BNIP3L: variants seen among roughly 807,000 people sequenced by gnomAD.
BNIP3L encodes the protein BCL2 interacting protein 3 like.
In BNIP3L, 10 loss-of-function variants were observed where a neutral mutation model predicts 25.5. The ratio of observed to expected loss-of-function variants is 0.39; its 90% confidence interval spans 0.24 to 0.67. BNIP3L has a LOEUF of 0.67. Among genes scored for constraint, BNIP3L ranks in the 30% least tolerant of loss-of-function variants. The pLI is 0.45. For synonymous variants in BNIP3L, 113 were observed against 101.2 expected (o/e 1.12, Z -0.70); for missense variants, 215 against 270.9 (o/e 0.79, Z 1.45).
In BNIP3L at chr8:26,412,090, A is replaced by G. The variant is rs1020089587; in HGVS notation, c.*1678A>G. ...AAAGATGATATATCCTAGTTTTGAAAGTAATTTTCTTTTTTCTTTCTAGCA... is the reference window on the plus strand; with the variant it reads ...AAAGATGATATATCCTAGTTTTGAAGGTAATTTTCTTTTTTCTTTCTAGCA... On this transcript the variant is annotated 3_prime_UTR_variant, in exon 6 of 6. Coordinates refer to ENST00000380629, the MANE Select transcript of BNIP3L (RefSeq NM_004331.3). The G allele has an allele frequency of 2.0e-5, 3 of 152,376 alleles. No homozygotes were observed. The highest frequency in any genetic ancestry group is 4.1e-4 in the South Asian group (2 of 4,836). 9.4% of individuals were successfully genotyped at this position (152,376 alleles called of 1,614,324 possible).
At position 26,412,589 on chromosome 8, in the gene BNIP3L, CAGT is replaced by C. The variant is rs1415752608; in HGVS notation, c.*2180_*2182del. Reference sequence around the variant, plus strand: ...TACTTAAAACGTGAATACATCATCACAGTAGAATTTATTATGAGAGCATGTAGT... The same window carrying C: ...TACTTAAAACGTGAATACATCATCACAGAATTTATTATGAGAGCATGTAGT... On this transcript the variant is annotated 3_prime_UTR_variant, in exon 6 of 6. Transcript: ENST00000380629. 3 of 152,422 alleles carry C rather than the reference CAGT, an allele frequency of 2.0e-5. No individual in the cohort carries two copies. The highest frequency in any genetic ancestry group is 2.1e-4 in the South Asian group (1 of 4,822). The allele number at this position is 152,422 out of a possible 1,614,324, so 9.4% of individuals were successfully genotyped here.
intron 3 of BNIP3L, among the ~76,000 whole-genome samples, chr8:26,404,559 C>T (rs1013578262): frequency 3.9e-5 from 6 of 152,294 alleles, no homozygotes; most frequent in African/African-American, 1.4e-4. Flanking sequence ...CTCACTCTGT[C>T]ACCAGGCTGG....
intron 3 of BNIP3L, among the ~76,000 whole-genome samples, chr8:26,407,461 C>T (rs1045811244): frequency 4.6e-5 from 7 of 151,616 alleles, no homozygotes; most frequent in Admixed American, 3.3e-4. Context: ...GCTGGGATTA[C>T]AGGCGTGAGC....
intron 3 of BNIP3L, among the ~76,000 whole-genome samples, chr8:26,407,646 G>A (rs1014029930): frequency 6.6e-6 from 1 of 152,242 alleles, no homozygotes; most frequent in Non-Finnish European, 1.5e-5. Flanking sequence ...AAAATTTTAA[G>A]TGCATACAAG....
At chr8:26,392,269 AT>A (rs1345464681) in intron 2 of BNIP3L, among the ~76,000 whole-genome samples, 2 of 150,854 alleles carry the variant, frequency 1.3e-5, no homozygotes, top group African/African-American at 4.9e-5. Context: ...GGGGCACTGG[AT>A]GACCTTCTGG....
intron 3 of BNIP3L, among the ~76,000 whole-genome samples, chr8:26,402,563 C>T (rs1209714605): frequency 6.6e-6 from 1 of 152,122 alleles, no homozygotes; most frequent in African/African-American, 2.4e-5. Flanking sequence ...GTAATGCAGC[C>T]CCAGGTTCCC....
chr8:26,405,047 G>A (rs867806405), intron 3 of BNIP3L, among the ~76,000 whole-genome samples: 3 of 152,212 alleles, frequency 2.0e-5, no homozygotes, highest in Middle Eastern at 6.8e-3. Context: ...AACTTATGGA[G>A]TTCTTTTTTG....
chr8:26,392,344 T>C (rs1489784605), intron 2 of BNIP3L, among the ~76,000 whole-genome samples: 2 of 152,190 alleles, frequency 1.3e-5, no homozygotes, highest in South Asian at 4.1e-4. Context: ...ATTAAGGAAA[T>C]GTAAACAGTG....
intron 2 of BNIP3L, among the ~76,000 whole-genome samples, chr8:26,392,085 G>A (rs979777041): frequency 6.6e-6 from 1 of 151,888 alleles, no homozygotes; most frequent in African/African-American, 2.4e-5. Flanking sequence ...ATGGATTAAG[G>A]ACTGCTTATG....
rs1329447082 is a variant in BNIP3L at position 26,410,546 on chromosome 8, C to T, written c.*134C>T. On this transcript the variant is annotated 3_prime_UTR_variant, in exon 6 of 6. Coordinates refer to ENST00000380629, the MANE Select transcript of BNIP3L (RefSeq NM_004331.3). ...GTTTTTACATATCCAATTCCAGTAA[C>T]TCTCAAATTCAATATTTTATTCAAA... The T allele has an allele frequency of 1.8e-5, 18 of 973,738 alleles. No homozygotes were observed. The highest frequency in any genetic ancestry group is 2.7e-5 in the Non-Finnish European group (17 of 625,826). The allele number at this position is 973,738 out of a possible 1,614,324, so 60.3% of individuals were successfully genotyped here. A position where few individuals can be genotyped will look rare whatever the true frequency, so the allele number is the denominator to read the frequency against.
In BNIP3L at chr8:26,411,340, C is replaced by G. The variant is rs1434138351; in HGVS notation, c.*928C>G. ...CTAAGAAGAGGCTTTGGAATGAGTT[C>G]CAATTTGTGATGTTAATACAGGCTT... On this transcript the variant is annotated 3_prime_UTR_variant, in exon 6 of 6. Transcript: ENST00000380629. 5 of 151,042 alleles carry G rather than the reference C, an allele frequency of 3.3e-5. No homozygotes were observed. The highest frequency in any genetic ancestry group is 6.6e-5 in the Admixed American group (1 of 15,114). The allele number at this position is 151,042 out of a possible 1,614,324, so 9.4% of individuals were successfully genotyped here. A position where few individuals can be genotyped will look rare whatever the true frequency, so the allele number is the denominator to read the frequency against.
At chr8:26,393,469 C>T (rs1208134762) in intron 2 of BNIP3L, among the ~76,000 whole-genome samples, 1 of 150,188 alleles carries the variant, frequency 6.7e-6, no homozygotes, top group East Asian at 1.9e-4. Context: ...TTTTGGTTGA[C>T]AGGGGCAGGG....
rs1235857434 is a variant in BNIP3L at position 26,405,859 on chromosome 8, A to G, written c.358-2141A>G. 2.0e-5 allele frequency among the ~76,000 whole-genome samples: 3 copies of G among 152,096 alleles called. No individual in the cohort carries two copies. The East Asian group carries it at 5.8e-4, about 29-fold the overall frequency. The stretch of plus-strand genomic sequence containing the variant: ...GGAGTTCGAGACCAGCCTGGCCAAC[A>G]TGGTGAAACCCCGTCTCTACGAAAA... On this transcript the variant is annotated intron_variant, in intron 3 of 5. Coordinates refer to ENST00000380629, the MANE Select transcript of BNIP3L (RefSeq NM_004331.3).
chr8:26,388,225 G>T (rs758084378), intron 1 of BNIP3L, among the ~76,000 whole-genome samples: 1 of 152,180 alleles, frequency 6.6e-6, no homozygotes, highest in Non-Finnish European at 1.5e-5. Flanking sequence ...GTAAGGAATG[G>T]TTTTTCTATG....
chr8:26,403,599 G>A (rs1446337941), intron 3 of BNIP3L, among the ~76,000 whole-genome samples: 1 of 151,044 alleles, frequency 6.6e-6, no homozygotes, highest in African/African-American at 2.4e-5. Context: ...GTGTAGTGGT[G>A]CAGTTGTAGC....
intron 5 of BNIP3L, among the ~76,000 whole-genome samples, chr8:26,410,148 T>A (rs1415711949): frequency 6.6e-6 from 1 of 152,178 alleles, no homozygotes; most frequent in Non-Finnish European, 1.5e-5. Context: ...CCCCGATATT[T>A]AATGAGTAAA....
At chr8:26,401,738 G>T (rs913898241) in intron 3 of BNIP3L, among the ~76,000 whole-genome samples, 5 of 152,028 alleles carry the variant, frequency 3.3e-5, no homozygotes, top group East Asian at 1.9e-4. Context: ...TCTAAATTAT[G>T]CAGGATTCCT....
chr8:26,395,605 A>T, intron 3 of BNIP3L: 1 of 270,806 alleles, frequency 3.7e-6, no homozygotes, highest in South Asian at 5.1e-5. Context: ...CTTTAAGACC[A>T]CAGAATAGGG....
Position 26,383,906 on chromosome 8 carries a change from T to G in BNIP3L, c.100+676T>G, listed in dbSNP as rs949193878. ...CGAAGTTGCCCAAGTGATTTTTTTT[T>G]TTTTAAAGCGATGGGTTGTGCGCCC... On this transcript the variant is annotated intron_variant, in intron 1 of 5. Coordinates refer to ENST00000380629, the MANE Select transcript of BNIP3L (RefSeq NM_004331.3). Among the ~76,000 whole-genome samples the G allele has an allele frequency of 4.6e-5, 7 of 152,284 alleles. No individual in the cohort carries two copies. In the East Asian group the frequency reaches 1.3e-3, roughly 29 times the overall value.
Sources: allele counts gnomAD v4.1 joint callset (sites outside exome capture counted in the v4.1 genomes callset), GRCh38; gene constraint gnomAD v4.1.1; transcripts MANE v1.5; gene names NCBI Gene and HGNC (gene_info 2026-07-23, HGNC 2026-07-21).